The following TASP1 variants were observed in gnomAD, a reference collection of about 807,000 sequenced individuals.
TASP1 encodes taspase 1, also known as threonine aspartase 1.
A neutral mutation model predicts 56.6 loss-of-function variants in TASP1; 16 were observed. The ratio of observed to expected loss-of-function variants is 0.28; its 90% CI spans 0.19 to 0.43. The LOEUF is 0.43. Among genes scored for constraint, TASP1 ranks in the 20% least tolerant of loss-of-function variants. The pLI is 1.00. For missense variants in TASP1, 393 were observed against 511.6 expected (o/e 0.77, Z 2.24); for synonymous variants, 179 against 184.2 (o/e 0.97, Z 0.23).
At chr20:13,317,087 G>A in the TASP1 span, among the ~76,000 whole-genome samples, 16 of 151,762 alleles carry the variant, frequency 1.1e-4, no homozygotes, top group African/African-American at 2.2e-4. Flanking sequence ...CAATTATAGC[G>A]GCATTGCAGG....
chr20:13,323,198 T>C, the TASP1 span, among the ~76,000 whole-genome samples: 1 of 151,168 alleles, frequency 6.6e-6, no homozygotes, highest in Middle Eastern at 3.2e-3. Context: ...AATAAGAGAG[T>C]CGGTAGGGTT....
the TASP1 span, among the ~76,000 whole-genome samples, chr20:13,327,786 G>A: frequency 1.3e-5 from 2 of 151,972 alleles, no homozygotes; most frequent in Non-Finnish European, 1.5e-5. Flanking sequence ...CCTTCACTAC[G>A]CCATATACAA....
At chr20:13,311,674 T>C in the TASP1 span, among the ~76,000 whole-genome samples, 1 of 152,192 alleles carries the variant, frequency 6.6e-6, no homozygotes, top group South Asian at 2.1e-4. Flanking sequence ...TTTAGTGATA[T>C]AAGTCAGGCA....
chr20:13,467,753 A>G (rs769662602), intron 11 of TASP1, among the ~76,000 whole-genome samples: 14 of 152,194 alleles, frequency 9.2e-5, no homozygotes, highest in Non-Finnish European at 1.3e-4. Flanking sequence ...GCAGTGGCTC[A>G]TGACTGTAAT....
the TASP1 span, among the ~76,000 whole-genome samples, chr20:13,278,992 C>T: frequency 1.3e-5 from 2 of 152,176 alleles, no homozygotes; most frequent in Non-Finnish European, 2.9e-5. Context: ...CTGTTAATAC[C>T]TGTCACCATT....
chr20:13,173,792 T>C, the TASP1 span, among the ~76,000 whole-genome samples: 3 of 152,194 alleles, frequency 2.0e-5, no homozygotes, highest in Non-Finnish European at 4.4e-5. Flanking sequence ...GTAGGTTTGT[T>C]TGGAATTGCC....
At position 13,413,434 on chromosome 20, in the gene TASP1, C is replaced by T. The variant is rs2042155821; in HGVS notation, c.1170+4014G>A. 1.3e-5 allele frequency among the ~76,000 whole-genome samples: 2 copies of T among 151,860 alleles called. 1 individual carries two copies. The highest frequency in any genetic ancestry group is 4.2e-4 in the South Asian group (2 of 4,814). Reference sequence around the variant, plus strand: ...AAAAAACATCCCAAGAGGACAGCACCTTGATTATGAAAAAGCTTAGTCTCT... The same window carrying T: ...AAAAAACATCCCAAGAGGACAGCACTTTGATTATGAAAAAGCTTAGTCTCT... On this transcript the variant is annotated intron_variant, in intron 13 of 13. Coordinates refer to ENST00000337743, the MANE Select transcript of TASP1 (RefSeq NM_017714.3).
the TASP1 span, among the ~76,000 whole-genome samples, chr20:13,378,579 G>A: frequency 6.6e-6 from 1 of 152,158 alleles, no homozygotes; most frequent in East Asian, 1.9e-4. Context: ...TTCTATAAAT[G>A]TCTATTAGGT....
At chr20:13,444,673 A>G (rs1280631571) in intron 11 of TASP1, among the ~76,000 whole-genome samples, 1 of 152,238 alleles carries the variant, frequency 6.6e-6, no homozygotes, top group Non-Finnish European at 1.5e-5. Context: ...TAAGATGTAT[A>G]TTAAGTTAAC....
the TASP1 span, among the ~76,000 whole-genome samples, chr20:13,374,301 C>T: frequency 1.3e-5 from 2 of 151,826 alleles, no homozygotes; most frequent in African/African-American, 4.8e-5. Context: ...GAGAGAGAAA[C>T]AGAGAGAAAT....
chr20:13,483,645 T>G (rs2043220337), intron 10 of TASP1, among the ~76,000 whole-genome samples: 2 of 152,220 alleles, frequency 1.3e-5, no homozygotes, highest in African/African-American at 4.8e-5. Context: ...CTAAAAAATA[T>G]TATGTGTAAT....
At chr20:13,469,883 A>ACT (rs2044420845) in intron 11 of TASP1, among the ~76,000 whole-genome samples, 1 of 127,772 alleles carries the variant, frequency 7.8e-6, no homozygotes, top group South Asian at 2.5e-4. Context: ...ATCTTGGCTC[A>ACT]CTGCAACCTC....
intron 10 of TASP1, among the ~76,000 whole-genome samples, chr20:13,527,328 G>A (rs2045020752): frequency 6.6e-6 from 1 of 152,110 alleles, no homozygotes; most frequent in South Asian, 2.1e-4. Context: ...AGAAACCAAT[G>A]TGATAAGAAA....
the TASP1 span, among the ~76,000 whole-genome samples, chr20:13,223,657 G>C: frequency 6.6e-6 from 1 of 152,266 alleles, no homozygotes; most frequent in African/African-American, 2.4e-5. Context: ...TAACTTTGTG[G>C]GTTCTCTCAC....
intron 4 of TASP1, among the ~76,000 whole-genome samples, chr20:13,608,085 A>G (rs533331528): frequency 6.6e-6 from 1 of 152,370 alleles, no homozygotes; most frequent in Admixed American, 6.5e-5. Context: ...ACTTTCTTGC[A>G]TCTTTTTAAA....
the TASP1 span, among the ~76,000 whole-genome samples, chr20:13,277,364 C>G: frequency 1.3e-5 from 2 of 152,138 alleles, no homozygotes; most frequent in Non-Finnish European, 2.9e-5. Context: ...GGCAGCCTCT[C>G]CCCTCCAAGA....
At chr20:13,467,061 A>T (rs185116807) in intron 11 of TASP1, among the ~76,000 whole-genome samples, 1 of 152,220 alleles carries the variant, frequency 6.6e-6, no homozygotes, top group East Asian at 1.9e-4. Context: ...GTTTCAAATC[A>T]TCAGGGAAGC....
At chr20:13,195,640 CT>C in the TASP1 span, among the ~76,000 whole-genome samples, 1 of 152,168 alleles carries the variant, frequency 6.6e-6, no homozygotes. Context: ...AGTCCCACCC[CT>C]GCTTACTGGG....
chr20:13,278,207 A>C, the TASP1 span, among the ~76,000 whole-genome samples: 1 of 152,138 alleles, frequency 6.6e-6, no homozygotes, highest in Non-Finnish European at 1.5e-5. Context: ...CTCTACGTTG[A>C]TTGTCTCTTG....
Sources: gnomAD v4.1 joint callset for allele counts (sites outside exome capture counted in the v4.1 genomes callset) on GRCh38, gnomAD v4.1.1 for gene constraint, MANE v1.5 for transcripts, NCBI Gene and HGNC (gene_info 2026-07-23, HGNC 2026-07-21) for gene names.